The following EGFR variants were observed in gnomAD, a reference collection of about 807,000 sequenced individuals.
The protein encoded by EGFR is epidermal growth factor receptor, also known as avian erythroblastic leukemia viral (v-erb-b) oncogene homolog.
In EGFR, 58 loss-of-function variants were observed where a neutral mutation model predicts 143.0. The ratio of observed to expected loss-of-function variants is 0.41; its 90% CI spans 0.33 to 0.50. The LOEUF (loss-of-function observed/expected upper bound fraction) is 0.50. EGFR is among the 20% of genes least tolerant of loss of function. The probability of loss-of-function intolerance (pLI) is 0.39; values close to 1 mark genes in which losing one functional copy is unlikely to be tolerated. For missense variants in EGFR, 1,307 were observed against 1,579.0 expected, an observed-to-expected ratio of 0.83 and a Z score of 2.92; for synonymous variants, 613 against 594.4, an observed-to-expected ratio of 1.03 and a Z score of -0.45.
intron 1 of EGFR, among the ~76,000 whole-genome samples, chr7:55,028,633 A>T (rs1403220390): frequency 2.6e-5 from 4 of 152,230 alleles, no homozygotes; most frequent in Non-Finnish European, 4.4e-5. Flanking sequence ...ACTGTAAGCC[A>T]TTGTAAATGC....
intron 1 of EGFR, among the ~76,000 whole-genome samples, chr7:55,121,219 T>C (rs1370016276): frequency 1.3e-5 from 2 of 152,278 alleles, no homozygotes; most frequent in East Asian, 3.9e-4. Flanking sequence ...CTTACAACCA[T>C]ACATAGATTG....
At chr7:55,061,645 T>TGA (rs1431367339) in intron 1 of EGFR, among the ~76,000 whole-genome samples, 1 of 108,622 alleles carries the variant, frequency 9.2e-6, no homozygotes, top group Non-Finnish European at 2.2e-5. Flanking sequence ...TGTGTGTGTG[T>TGA]GTGTGAGAGA....
chr7:55,138,604 T>A (rs1347683511), intron 1 of EGFR, among the ~76,000 whole-genome samples: 2 of 152,104 alleles, frequency 1.3e-5, no homozygotes, highest in African/African-American at 2.4e-5. Flanking sequence ...CAATATAGAG[T>A]GGCTGACATC....
At chr7:55,097,787 G>A (rs763816005) in intron 1 of EGFR, among the ~76,000 whole-genome samples, 42 of 151,770 alleles carry the variant, frequency 2.8e-4, no homozygotes, top group Non-Finnish European at 5.9e-4. Context: ...TCTGTAATTT[G>A]CCTAACAATG....
intron 1 of EGFR, among the ~76,000 whole-genome samples, chr7:55,074,546 A>G (rs1790027338): frequency 6.6e-6 from 1 of 152,252 alleles, no homozygotes; most frequent in African/African-American, 2.4e-5. Context: ...ATTTTTGAGA[A>G]TAATATGAAT....
rs1562641847 is a variant in EGFR at position 55,019,061 on chromosome 7, C to CT, written c.-217_-216insT. 1.1e-5 allele frequency: 3 copies of CT among 265,954 alleles called. No individual in the cohort carries two copies. Among genetic ancestry groups the CT allele is most frequent in the Non-Finnish European group, 2.1e-5 (3 of 144,146 alleles). 16.5% of individuals were successfully genotyped at this position (265,954 alleles called of 1,614,324 possible). ...GGCGCAGCGCGGCCGCAGCAGCCTC[C>CT]GCCCCCCGCACGGTGTGAGCGCCCG... On this transcript the variant is annotated 5_prime_UTR_variant, in exon 1 of 28. Coordinates refer to ENST00000275493, the MANE Select transcript of EGFR (RefSeq NM_005228.5).
In EGFR at chr7:55,181,336, G is replaced by T; in HGVS notation, c.2327G>T (p.Arg776Leu). Residue 776 changes from arginine (R) to leucine (L), a missense_variant, in exon 20 of 28, where the codon CGC becomes CTC. By Grantham distance (102) the Arg-to-Leu change is moderately radical. This residue lies in a region of EGFR where 348 missense variants were observed against 451.5 expected (regional missense o/e 0.77). Transcript: ENST00000275493. ...AGCGTGGACAACCCCCACGTGTGCCGCCTGCTGGGCATCTGCCTCACCTCC... is the reference window on the plus strand; with the variant it reads ...AGCGTGGACAACCCCCACGTGTGCCTCCTGCTGGGCATCTGCCTCACCTCC... Reference protein sequence around the residue: ...MASVDNPHVCRLLGICLTSTV... With the variant: ...MASVDNPHVCLLLGICLTSTV... 6.2e-7 allele frequency: 1 copy of T among 1,614,170 alleles called. No homozygotes were observed. The highest frequency in any genetic ancestry group is 1.1e-5 in the South Asian group (1 of 91,090).
At chr7:55,115,039 G>A (rs371447607) in intron 1 of EGFR, among the ~76,000 whole-genome samples, 8 of 151,850 alleles carry the variant, frequency 5.3e-5, no homozygotes, top group South Asian at 2.1e-4. Context: ...CCGCCACCGC[G>A]CCGGGCTAAT....
At chr7:55,204,861 C>T (rs1562810070) in intron 27 of EGFR, among the ~76,000 whole-genome samples, 2 of 150,308 alleles carry the variant, frequency 1.3e-5, no homozygotes, top group Admixed American at 6.6e-5. Context: ...CATGCACACA[C>T]CACACACACA....
chr7:55,143,555 G>C (rs556932979), intron 3 of EGFR, 67 bp downstream of exon 3: 2 of 1,570,306 alleles, frequency 1.3e-6, no homozygotes, highest in African/African-American at 2.7e-5. Flanking sequence ...GGCTCCCAGC[G>C]AGCTTGTCAC....
At position 55,210,981 on chromosome 7, in the gene EGFR, A is replaced by G. The variant is rs1788223636; in HGVS notation, c.*5364A>G. On this transcript the variant is annotated 3_prime_UTR_variant, in exon 28 of 28. Transcript: ENST00000275493. ...TTCATAAAAACAAGAATTCAAGAAG[A>G]GGATTCATGCTTTAAGAAACATTTG... 1 of 152,224 alleles carries G rather than the reference A, an allele frequency of 6.6e-6. No individual in the cohort carries two copies. Among genetic ancestry groups the G allele is most frequent in the African/African-American group, 2.4e-5 (1 of 41,452 alleles). The allele number at this position is 152,224 out of a possible 1,614,324, so 9.4% of individuals were successfully genotyped here. A position where few individuals can be genotyped will look rare whatever the true frequency, so the allele number is the denominator to read the frequency against.
At chr7:55,160,633 C>A (rs1785650717) in intron 12 of EGFR, among the ~76,000 whole-genome samples, 1 of 152,148 alleles carries the variant, frequency 6.6e-6, no homozygotes, top group Non-Finnish European at 1.5e-5. Flanking sequence ...GTAGGTCACT[C>A]TCTGCTCATT....
At chr7:55,115,575 C>T (rs936629037) in intron 1 of EGFR, among the ~76,000 whole-genome samples, 10 of 152,314 alleles carry the variant, frequency 6.6e-5, no homozygotes, top group African/African-American at 1.9e-4. Flanking sequence ...TCGCAGTTCT[C>T]TGAATCTCAA....
rs374561933 is a variant in EGFR, at chr7:55,152,643, C to G, written c.726C>G (p.Gly242=). 1 of 1,613,594 alleles carries G rather than the reference C, an allele frequency of 6.2e-7. No individual in the cohort carries two copies. Among genetic ancestry groups the G allele is most frequent in the South Asian group, 1.1e-5 (1 of 91,076 alleles). Residue 242 remains glycine (G), a synonymous_variant, in exon 6 of 28, where the codon GGC becomes GGG. Transcript: ENST00000275493. ...ACCAGTGTGCTGCAGGCTGCACAGG[C>G]CCCCGGGAGAGCGACTGCCTGGTAA... ...CHNQCAAGCT[G]PRESDCLVCR... is the part of the protein sequence containing the mutation.
intron 1 of EGFR, among the ~76,000 whole-genome samples, chr7:55,097,543 T>G (rs1252749405): frequency 6.6e-6 from 1 of 152,242 alleles, no homozygotes; most frequent in African/African-American, 2.4e-5. Context: ...GTCCTAACAG[T>G]GCACTGGCAG....
chr7:55,188,766 G>A (rs902078758), intron 20 of EGFR: 1 of 152,160 alleles, frequency 6.6e-6, no homozygotes, highest in African/African-American at 2.4e-5. Flanking sequence ...CAGTGGGACG[G>A]AGACCCATGC....
rs2128972988 is a variant in EGFR, at chr7:55,202,516, G to T, written c.3163-1G>T. On this transcript the variant is annotated splice_acceptor_variant, in intron 26 of 27. Coordinates refer to ENST00000275493, the MANE Select transcript of EGFR (RefSeq NM_005228.5). LOFTEE classifies it high-confidence loss of function. ...TAACCTTCCCTCATTTCCTCCTGCA[G>T]CTGCAAAGCTGTCCCATCAAGGAAG... 3 of 1,604,500 alleles carry T rather than the reference G, an allele frequency of 1.9e-6. No individual in the cohort carries two copies. Among genetic ancestry groups the T allele is most frequent in the Non-Finnish European group, 2.6e-6 (3 of 1,175,590 alleles).
rs377189448 is a variant in EGFR at position 55,205,434 on chromosome 7, A to G, written c.3450A>G (p.Thr1150=). The part of the protein sequence containing the change: ...NTVQPTCVNS[T]FDSPAHWAQK... The stretch of plus-strand genomic sequence containing the variant: ...TCCAGCCCACCTGTGTCAACAGCAC[A>G]TTCGACAGCCCTGCCCACTGGGCCC... The change falls in exon 28 of 28, where the codon ACA becomes ACG. Residue 1150 remains threonine (T), a synonymous_variant. Transcript: ENST00000275493. The G allele has an allele frequency of 7.4e-5, 119 of 1,614,028 alleles. No homozygotes were observed. The highest frequency in any genetic ancestry group is 8.7e-5 in the Non-Finnish European group (103 of 1,180,030).
chr7:55,032,428 G>A (rs141870937), intron 1 of EGFR, among the ~76,000 whole-genome samples: 68 of 152,294 alleles, frequency 4.5e-4, no homozygotes, highest in East Asian at 1.2e-3. Flanking sequence ...GTTTGCTCCC[G>A]TGAATTTTCA....
Sources: allele counts gnomAD v4.1 joint callset (sites outside exome capture counted in the v4.1 genomes callset), GRCh38; gene constraint gnomAD v4.1.1; regional missense constraint gnomAD v4.1.1; transcripts MANE v1.5; gene names NCBI Gene and HGNC (gene_info 2026-07-23, HGNC 2026-07-21).